Variants in VPS13B observed in about 807,000 individuals in gnomAD.
The protein encoded by VPS13B is vacuolar protein sorting 13 homolog B.
A neutral mutation model predicts 426.4 loss-of-function variants in VPS13B; 285 were observed. That is an observed-to-expected ratio of 0.67 (90% CI 0.61 to 0.74). The LOEUF (loss-of-function observed/expected upper bound fraction) is 0.74. Among genes scored for constraint, VPS13B ranks in the 30% least tolerant of loss-of-function variants. The pLI, the probability that VPS13B is intolerant of heterozygous loss-of-function variation, is 0.00. For missense variants in VPS13B, 4,537 were observed against 4,782.6 expected, an observed-to-expected ratio of 0.95 and a Z score of 1.51; for synonymous variants, 1,676 against 1,676.4, an observed-to-expected ratio of 1.00 and a Z score of 0.01.
chr8:99,187,033 A>G (rs1429080317), intron 16 of VPS13B, among the ~76,000 whole-genome samples: 1 of 152,272 alleles, frequency 6.6e-6, no homozygotes, highest in East Asian at 1.9e-4. Flanking sequence ...CATCTATAAT[A>G]TTGCCATACA....
At chr8:99,778,061 C>T (rs1811827541) in intron 41 of VPS13B, among the ~76,000 whole-genome samples, 1 of 151,954 alleles carries the variant, frequency 6.6e-6, no homozygotes, top group African/African-American at 2.4e-5. Flanking sequence ...GAAACCCCAT[C>T]TCTACTAAAA....
At chr8:99,179,690 T>C (rs978021105) in intron 16 of VPS13B, among the ~76,000 whole-genome samples, 2 of 152,220 alleles carry the variant, frequency 1.3e-5, no homozygotes, top group Non-Finnish European at 2.9e-5. Context: ...TTTAATAGCC[T>C]TTCCCACTCG....
chr8:99,642,026 T>C lies in VPS13B; in HGVS notation c.5436T>C (p.Phe1812=). 1 of 1,614,098 alleles carries C rather than the reference T, an allele frequency of 6.2e-7. No individual in the cohort carries two copies. Among genetic ancestry groups the C allele is most frequent in the Non-Finnish European group, 8.5e-7 (1 of 1,180,002 alleles). The stretch of plus-strand genomic sequence containing the variant: ...TAAAAAATCTAAATTTTATTCCCTT[T>C]GACATATTTATTACTGCAAGTAGAA... The part of the protein sequence containing the change: ...SIVKNLNFIP[F]DIFITASRIS... The change falls in exon 34 of 62, where the codon TTT becomes TTC. Residue 1812 remains phenylalanine, a synonymous_variant. Coordinates refer to ENST00000357162, the MANE Select transcript of VPS13B (RefSeq NM_152564.5).
chr8:99,868,307 T>C lies in VPS13B; in HGVS notation c.11234T>C (p.Val3745Ala). ...ATTCCAGGTGCAATTGCTGGTATAG[T>C]TGATCAGCCGATGCAGAACTTCCAG... ...ISLLGAIAGI[V>A]DQPMQNFQKT... Residue 3745 changes from valine (V) to alanine (A), a missense_variant, in exon 59 of 62, where the codon GTT (valine) becomes GCT (alanine). This residue lies in a region of VPS13B where 4,311 missense variants were observed against 4,474.3 expected (regional missense o/e 0.96). Coordinates refer to ENST00000357162, the MANE Select transcript of VPS13B (RefSeq NM_152564.5). 6.2e-7 allele frequency: 1 copy of C among 1,614,204 alleles called. No homozygotes were observed. The highest frequency in any genetic ancestry group is 1.1e-5 in the South Asian group (1 of 91,078).
chr8:99,758,421 A>T (rs931045715), intron 39 of VPS13B, among the ~76,000 whole-genome samples: 1 of 152,218 alleles, frequency 6.6e-6, no homozygotes, highest in Admixed American at 6.5e-5. Context: ...AGATCTTTTT[A>T]GAATAAAAGA....
intron 17 of VPS13B, among the ~76,000 whole-genome samples, chr8:99,213,987 G>A (rs1815254055): frequency 6.6e-6 from 1 of 152,038 alleles, no homozygotes; most frequent in Non-Finnish European, 1.5e-5. Flanking sequence ...AGACCAATTT[G>A]GAGACATCTA....
intron 3 of VPS13B, among the ~76,000 whole-genome samples, chr8:99,082,536 C>G (rs945963727): frequency 2.0e-5 from 3 of 152,118 alleles, no homozygotes; most frequent in Non-Finnish European, 4.4e-5. Context: ...AAGTCCTTGC[C>G]CATGCCTGTG....
At chr8:99,855,524 C>G (rs79795996) in intron 56 of VPS13B, among the ~76,000 whole-genome samples, 3,426 of 152,188 alleles carry the variant, frequency 0.023, 132 homozygotes, top group African/African-American at 0.079. Flanking sequence ...AAGCAAAGAA[C>G]AGCATCCAGA....
At position 99,699,942 on chromosome 8, in the gene VPS13B, A is replaced by G. The variant is rs2130181855; in HGVS notation, c.6454+10A>G. On this transcript the variant is annotated intron_variant, in intron 36 of 61. Coordinates refer to ENST00000357162, the MANE Select transcript of VPS13B (RefSeq NM_152564.5). ...ACACAAAAAGTACCTGGTAAGTCAC[A>G]GAAAAGGGGAGGGGGGAGACAGAAC... 1 of 1,613,546 alleles carries G rather than the reference A, an allele frequency of 6.2e-7. No individual in the cohort carries two copies. Among genetic ancestry groups the G allele is most frequent in the African/African-American group, 1.3e-5 (1 of 75,040 alleles).
At chr8:99,770,960 A>G (rs1393596982) in intron 40 of VPS13B, among the ~76,000 whole-genome samples, 2 of 152,098 alleles carry the variant, frequency 1.3e-5, no homozygotes, top group African/African-American at 2.4e-5. Flanking sequence ...CATGAGCCCT[A>G]CTCTCTTGGG....
intron 51 of VPS13B, 102 bp from the exon 52 acceptor site, chr8:99,832,267 A>AAAAAG (rs1159922818): frequency 2.1e-6 from 3 of 1,419,684 alleles, no homozygotes; most frequent in African/African-American, 1.5e-5. Context: ...CTCAAAAAAA[A>AAAAAG]AAAAGAAAAG....
chr8:99,868,241 C>G, intron 58 of VPS13B, 48 bp from the exon 59 acceptor site: 1 of 1,612,272 alleles, frequency 6.2e-7, no homozygotes. Flanking sequence ...CTTTCATTTT[C>G]CGAGGATTTT....
At chr8:99,532,357 T>C (rs1484769921) in intron 30 of VPS13B, among the ~76,000 whole-genome samples, 1 of 152,198 alleles carries the variant, frequency 6.6e-6, no homozygotes, top group East Asian at 1.9e-4. Context: ...AAAACATGTC[T>C]ACAAGCATTA....
chr8:99,798,858 A>G (rs1330263256), intron 43 of VPS13B, among the ~76,000 whole-genome samples: 1 of 152,210 alleles, frequency 6.6e-6, no homozygotes, highest in Non-Finnish European at 1.5e-5. Context: ...TTAAATGTGA[A>G]TTTTAATACA....
At chr8:99,163,567 C>A (rs967129880) in intron 15 of VPS13B, among the ~76,000 whole-genome samples, 1 of 152,200 alleles carries the variant, frequency 6.6e-6, no homozygotes, top group Non-Finnish European at 1.5e-5. Flanking sequence ...TAAGGCCCGG[C>A]GAGAAATCGA....
At chr8:99,420,306 C>T (rs1350153006) in intron 21 of VPS13B, among the ~76,000 whole-genome samples, 1 of 152,102 alleles carries the variant, frequency 6.6e-6, no homozygotes, top group African/African-American at 2.4e-5. Context: ...TTGGCTTATA[C>T]ATGTTACTAG....
At chr8:99,762,914 G>T (rs1210897059) in intron 39 of VPS13B, among the ~76,000 whole-genome samples, 1 of 151,914 alleles carries the variant, frequency 6.6e-6, no homozygotes, top group African/African-American at 2.4e-5. Context: ...AAGGTAGGAG[G>T]ATTGCTTGAG....
chr8:99,696,644 G>A (rs1257245537), intron 35 of VPS13B: 6 of 702,790 alleles, frequency 8.5e-6, no homozygotes, highest in East Asian at 5.8e-5. Flanking sequence ...AGCTGGCAGA[G>A]TTCCTCCAGG....
intron 31 of VPS13B, among the ~76,000 whole-genome samples, chr8:99,562,686 T>A (rs1235009648): frequency 6.6e-6 from 1 of 152,152 alleles, no homozygotes; most frequent in African/African-American, 2.4e-5. Flanking sequence ...GATTTAGAAA[T>A]TTTTTTATAA....
Sources: gnomAD v4.1 joint callset for allele counts (sites outside exome capture counted in the v4.1 genomes callset) on GRCh38, gnomAD v4.1.1 for gene constraint, gnomAD v4.1.1 regional missense constraint, MANE v1.5 for transcripts, NCBI Gene and HGNC (gene_info 2026-07-23, HGNC 2026-07-21) for gene names.